Variants in GNG12 observed in about 807,000 individuals in gnomAD.
The protein encoded by GNG12 is guanine nucleotide-binding protein G(I)/G(S)/G(O) subunit gamma-12.
For synonymous variants in GNG12, 28 were observed against 29.7 expected (o/e 0.94, Z 0.19); for missense variants, 69 against 83.8 (o/e 0.82, Z 0.69).
At position 67,804,553 on chromosome 1, in the gene GNG12, A is replaced by T. The variant is rs993692493; in HGVS notation, c.-76-27046T>A. ...GCAAGCAAGGAGTTTAGTTGTTGTC[A>T]CTCGCTCCTAACAACTAAAAAGCTG... On this transcript the variant is annotated intron_variant, in intron 1 of 3. Coordinates refer to ENST00000370982, the MANE Select transcript of GNG12 (RefSeq NM_018841.6). Among the ~76,000 whole-genome samples the T allele has an allele frequency of 2.6e-5, 4 of 152,260 alleles. No individual in the cohort carries two copies. The East Asian group carries it at 5.8e-4, about 22-fold the overall frequency.
At chr1:67,793,788 C>T in intron 1 of GNG12, among the ~76,000 whole-genome samples, 1 of 152,208 alleles carries the variant, frequency 6.6e-6, no homozygotes, top group East Asian at 1.9e-4. Context: ...CCTCCTTCCT[C>T]AAACACTGTT....
At chr1:67,783,838 A>G (rs904583877) in intron 1 of GNG12, among the ~76,000 whole-genome samples, 1 of 151,508 alleles carries the variant, frequency 6.6e-6, no homozygotes, top group Admixed American at 6.6e-5. Context: ...GAGGATGTGG[A>G]GAAACAGGAA....
intron 1 of GNG12, among the ~76,000 whole-genome samples, chr1:67,783,189 CAT>C (rs1298622712): frequency 1.3e-5 from 2 of 152,146 alleles, no homozygotes; most frequent in East Asian, 1.9e-4. Context: ...TATTTCTACA[CAT>C]AGACATAAGT....
At chr1:67,826,795 A>G (rs1647013400) in intron 1 of GNG12, among the ~76,000 whole-genome samples, 1 of 152,176 alleles carries the variant, frequency 6.6e-6, no homozygotes, top group African/African-American at 2.4e-5. Flanking sequence ...TTTCAGTTTG[A>G]GTCTTCATTT....
At chr1:67,787,958 G>A (rs1386079534) in intron 1 of GNG12, among the ~76,000 whole-genome samples, 1 of 152,148 alleles carries the variant, frequency 6.6e-6, no homozygotes, top group Non-Finnish European at 1.5e-5. Context: ...CAAGATGGTT[G>A]GTCAGCCTAC....
intron 1 of GNG12, among the ~76,000 whole-genome samples, chr1:67,829,960 C>T (rs1021652141): frequency 1.9e-4 from 28 of 145,450 alleles, no homozygotes; most frequent in South Asian, 4.4e-4. Context: ...TGCATTAGGA[C>T]AAAAACAAGA....
At chr1:67,713,823 A>T (rs373022192) in intron 2 of GNG12, among the ~76,000 whole-genome samples, 25 of 152,360 alleles carry the variant, frequency 1.6e-4, no homozygotes, top group Admixed American at 3.9e-4. Flanking sequence ...TCCCTTGCAC[A>T]TACAAATGTT....
chr1:67,826,308 C>A (rs1172194259), intron 1 of GNG12, among the ~76,000 whole-genome samples: 1 of 152,238 alleles, frequency 6.6e-6, no homozygotes, highest in Non-Finnish European at 1.5e-5. Context: ...TCCCTTTTCT[C>A]CTAGCAGAGG....
At chr1:67,817,787 CTTTTT>C (rs66518207) in intron 1 of GNG12, among the ~76,000 whole-genome samples, 43 of 108,256 alleles carry the variant, frequency 4.0e-4, no homozygotes, top group Non-Finnish European at 6.4e-4. Flanking sequence ...TTCTTTCTTT[CTTTTT>C]TTTTTTTTTT....
chr1:67,754,111 G>A (rs1329586560), intron 2 of GNG12, among the ~76,000 whole-genome samples: 2 of 152,054 alleles, frequency 1.3e-5, no homozygotes, highest in African/African-American at 2.4e-5. Flanking sequence ...CCACCTCTGC[G>A]CATGTTATTT....
chr1:67,727,826 C>T (rs950958424), intron 2 of GNG12, among the ~76,000 whole-genome samples: 1 of 152,188 alleles, frequency 6.6e-6, no homozygotes, highest in Non-Finnish European at 1.5e-5. Flanking sequence ...TGCATTTCTA[C>T]TTGTGGTCTT....
At chr1:67,716,308 C>T (rs1646325018) in intron 2 of GNG12, among the ~76,000 whole-genome samples, 1 of 152,160 alleles carries the variant, frequency 6.6e-6, no homozygotes, top group Admixed American at 6.5e-5. Context: ...TTTGAGGTCC[C>T]TATCTGGTGT....
chr1:67,766,970 G>A (rs1395047065), intron 2 of GNG12, among the ~76,000 whole-genome samples: 1 of 152,222 alleles, frequency 6.6e-6, no homozygotes, highest in Non-Finnish European at 1.5e-5. Context: ...TAGCACCCTA[G>A]CAACCATACA....
chr1:67,789,770 T>C (rs1646790543), intron 1 of GNG12, among the ~76,000 whole-genome samples: 1 of 152,156 alleles, frequency 6.6e-6, no homozygotes, highest in African/African-American at 2.4e-5. Context: ...TGCCAGACCT[T>C]TGGTGTAGAT....
At chr1:67,728,732 T>G (rs1027730345) in intron 2 of GNG12, among the ~76,000 whole-genome samples, 4 of 152,128 alleles carry the variant, frequency 2.6e-5, no homozygotes, top group African/African-American at 9.7e-5. Flanking sequence ...CAGGACAGCT[T>G]TCTTTACCAA....
chr1:67,775,126 C>T (rs1362396908), intron 2 of GNG12, among the ~76,000 whole-genome samples: 1 of 151,964 alleles, frequency 6.6e-6, no homozygotes, highest in Non-Finnish European at 1.5e-5. Flanking sequence ...ACTGGAGATC[C>T]ACAATCAATT....
chr1:67,760,421 A>C (rs1249628463), intron 2 of GNG12, among the ~76,000 whole-genome samples: 11 of 152,082 alleles, frequency 7.2e-5, no homozygotes, highest in East Asian at 1.9e-4. Context: ...GCTTTCTCTG[A>C]TATTTGACCA....
chr1:67,801,091 T>C (rs1184812305), intron 1 of GNG12, among the ~76,000 whole-genome samples: 1 of 152,006 alleles, frequency 6.6e-6, no homozygotes, highest in Non-Finnish European at 1.5e-5. Context: ...GGCAGGAAAC[T>C]TTCCTAGAGC....
At chr1:67,740,330 G>A (rs914417240) in intron 2 of GNG12, among the ~76,000 whole-genome samples, 7 of 152,170 alleles carry the variant, frequency 4.6e-5, no homozygotes, top group African/African-American at 1.7e-4. Context: ...TGCTGATCTG[G>A]GGCAGGGGTC....
Sources: allele counts gnomAD v4.1 joint callset (sites outside exome capture counted in the v4.1 genomes callset), GRCh38; gene constraint gnomAD v4.1.1; transcripts MANE v1.5; gene names NCBI Gene and HGNC (gene_info 2026-07-23, HGNC 2026-07-21).